The following OLFML2A variants were observed in gnomAD, a reference collection of about 807,000 sequenced individuals.
OLFML2A encodes the protein olfactomedin-like protein 2A.
In OLFML2A, 47 loss-of-function variants were observed where a neutral mutation model predicts 60.9. That is an observed-to-expected ratio of 0.77 (90% CI 0.61 to 0.98). The LOEUF (loss-of-function observed/expected upper bound fraction) is 0.98. Among genes scored for constraint, OLFML2A ranks in the 50% least tolerant of loss-of-function variants. The pLI, the probability that OLFML2A is intolerant of heterozygous loss-of-function variation, is 0.00. For missense variants in OLFML2A, 922 were observed against 879.8 expected (o/e 1.05, Z -0.61); for synonymous variants, 372 against 375.0 (o/e 0.99, Z 0.09).
chr9:124,784,780 A>C (rs1841426069), intron 1 of OLFML2A, among the ~76,000 whole-genome samples: 1 of 151,884 alleles, frequency 6.6e-6, no homozygotes, highest in African/African-American at 2.4e-5. Context: ...GAAGCCACTA[A>C]TCTGTTTGCT....
At position 124,801,622 on chromosome 9, in the gene OLFML2A, A is replaced by G. The variant is rs767054195; in HGVS notation, c.878A>G (p.Tyr293Cys). 1 of 1,613,754 alleles carries G rather than the reference A, an allele frequency of 6.2e-7. No individual in the cohort carries two copies. Among genetic ancestry groups the G allele is most frequent in the East Asian group, 2.2e-5 (1 of 44,862 alleles). The part of the protein sequence containing the change: ...QQQAVIRGFT[Y>C]YKAGKQEVTE... ...CAGGCTGTGATCCGGGGCTTCACCT[A>G]CTACAAGGCAGGCAAGCAGGAGGTG... is the stretch of plus-strand genomic sequence containing the variant. Residue 293 changes from tyrosine (Y) to cysteine (C), a missense_variant, in exon 5 of 8, where the codon TAC becomes TGC. By Grantham distance (194) the Tyr-to-Cys change is radical. Transcript: ENST00000373580.
Position 124,811,976 on chromosome 9 carries a change from C to T in OLFML2A, c.*1564C>T, listed in dbSNP as rs953475585. 2.0e-5 allele frequency: 3 copies of T among 152,324 alleles called. No individual in the cohort carries two copies. The highest frequency in any genetic ancestry group is 7.2e-5 in the African/African-American group (3 of 41,430). The allele number at this position is 152,324 out of a possible 1,614,324, so 9.4% of individuals were successfully genotyped here. ...TTTATTCTCCGCACATGGAGGCTGCCCTACCTGGGAAGGCACCCCAGCACC... is the reference window on the plus strand; with the variant it reads ...TTTATTCTCCGCACATGGAGGCTGCTCTACCTGGGAAGGCACCCCAGCACC... On this transcript the variant is annotated 3_prime_UTR_variant, in exon 8 of 8. Transcript: ENST00000373580.
chr9:124,807,839 C>T lies in OLFML2A; in HGVS notation c.1227C>T (p.His409=), dbSNP rs755581547. The change falls in exon 7 of 8, where the codon CAC becomes CAT. Residue 409 remains histidine, a synonymous_variant. Coordinates refer to ENST00000373580, the MANE Select transcript of OLFML2A (RefSeq NM_182487.4). ...CTGTGGACCCCCCTGTGAGGCACCA[C>T]AGCTATGGGCGCCACGAGGGAGCCT... ...LRAVDPPVRH[H]SYGRHEGAWM... is the part of the protein sequence containing the mutation. The T allele has an allele frequency of 6.2e-7, 1 of 1,614,072 alleles. No individual in the cohort carries two copies. The highest frequency in any genetic ancestry group is 1.7e-5 in the Admixed American group (1 of 60,020).
chr9:124,782,444 G>A (rs189263758), intron 1 of OLFML2A, among the ~76,000 whole-genome samples: 8 of 152,342 alleles, frequency 5.3e-5, no homozygotes, highest in Admixed American at 3.9e-4. Flanking sequence ...GCCATGCCGA[G>A]GCCCTGCATG....
intron 1 of OLFML2A, among the ~76,000 whole-genome samples, chr9:124,784,441 A>G (rs1841420254): frequency 6.6e-6 from 1 of 151,882 alleles, no homozygotes; most frequent in Admixed American, 6.6e-5. Context: ...TGACCTCATG[A>G]TCCACCCGCC....
rs369753026 is a variant in OLFML2A at position 124,803,556 on chromosome 9, C to T, written c.920-538C>T. 1.1e-4 allele frequency among the ~76,000 whole-genome samples: 17 copies of T among 152,350 alleles called. No individual in the cohort carries two copies. In the East Asian group the frequency reaches 3.1e-3, roughly 28 times the overall value. On this transcript the variant is annotated intron_variant, in intron 5 of 7. Transcript: ENST00000373580. ...CTGGGATTACAGGCACCAGCCACTGCGCCCAACCCTCTAAGCACTTTCGTT... is the reference window on the plus strand; with the variant it reads ...CTGGGATTACAGGCACCAGCCACTGTGCCCAACCCTCTAAGCACTTTCGTT...
chr9:124,800,466 A>G (rs1410201860), intron 4 of OLFML2A, among the ~76,000 whole-genome samples: 1 of 152,264 alleles, frequency 6.6e-6, no homozygotes, highest in African/African-American at 2.4e-5. Context: ...GAGAGGTCAC[A>G]TGGAGAGGCG....
intron 3 of OLFML2A, among the ~76,000 whole-genome samples, chr9:124,796,685 G>A (rs549952276): frequency 6.6e-6 from 1 of 152,304 alleles, no homozygotes; most frequent in South Asian, 2.1e-4. Context: ...CCTCCCGGGG[G>A]ATAAGCAGCA....
intron 1 of OLFML2A, among the ~76,000 whole-genome samples, chr9:124,783,872 T>C (rs1384352063): frequency 6.6e-6 from 1 of 152,034 alleles, no homozygotes; most frequent in African/African-American, 2.4e-5. Flanking sequence ...ATAGGTGCAG[T>C]AAAGAAAACC....
chr9:124,808,349 G>A (rs1174612919), intron 7 of OLFML2A, among the ~76,000 whole-genome samples: 1 of 152,222 alleles, frequency 6.6e-6, no homozygotes, highest in Non-Finnish European at 1.5e-5. Flanking sequence ...CAGGAGGTGG[G>A]GTTATCACCT....
chr9:124,787,571 A>ATTTTATTTTATTTTATTTT (rs1375013953), intron 2 of OLFML2A, among the ~76,000 whole-genome samples: 1 of 44,186 alleles, frequency 2.3e-5, no homozygotes, highest in East Asian at 7.5e-4. Flanking sequence ...TATTTTATTT[A>ATTTTATTTTATTTTATTTT]TTTCTTGAAA....
chr9:124,799,185 G>A (rs1841722720), intron 3 of OLFML2A, 100 bp from the exon 4 acceptor site: 2 of 835,234 alleles, frequency 2.4e-6, no homozygotes, highest in South Asian at 3.1e-5. Context: ...TCGGGGGACT[G>A]GGCAGCAAAG....
intron 1 of OLFML2A, among the ~76,000 whole-genome samples, chr9:124,783,351 A>G (rs1045961946): frequency 6.6e-6 from 1 of 152,196 alleles, no homozygotes; most frequent in Non-Finnish European, 1.5e-5. Context: ...ACATGCCTGT[A>G]GTCCCAGTTA....
chr9:124,795,060 T>C lies in OLFML2A; in HGVS notation c.391T>C (p.Tyr131His), dbSNP rs764743729. Residue 131 changes from tyrosine to histidine, a missense_variant, in exon 3 of 8, where the codon TAC (tyrosine) becomes CAC (histidine). Physicochemically the swap from Tyr to His is moderately conservative, Grantham distance 83. Coordinates refer to ENST00000373580, the MANE Select transcript of OLFML2A (RefSeq NM_182487.4). ...GGTGGATCTCCTGGAGGGCACCCTGTACAGCATGGACTTGATGAAGGTGCA... is the reference window on the plus strand; with the variant it reads ...GGTGGATCTCCTGGAGGGCACCCTGCACAGCATGGACTTGATGAAGGTGCA... Reference protein sequence around the residue: ...SMVDLLEGTLYSMDLMKVHAY... With the variant: ...SMVDLLEGTLHSMDLMKVHAY... 6.2e-7 allele frequency: 1 copy of C among 1,608,804 alleles called. No homozygotes were observed. Among genetic ancestry groups the C allele is most frequent in the South Asian group, 1.1e-5 (1 of 89,856 alleles).
intron 4 of OLFML2A, 122 bp downstream of exon 4, chr9:124,799,613 C>G: frequency 1.3e-6 from 1 of 775,812 alleles, no homozygotes. Flanking sequence ...GGGTTGAGGA[C>G]TGGCACAGCC....
chr9:124,809,833 A>G lies in OLFML2A; in HGVS notation c.1380A>G (p.Leu460=), dbSNP rs1841967202. Residue 460 remains leucine, a synonymous_variant, in exon 8 of 8, where the codon CTA becomes CTG. Coordinates refer to ENST00000373580, the MANE Select transcript of OLFML2A (RefSeq NM_182487.4). ...KQGRWSNMYK[L]PYNWIGTGHV... ...GCCGCTGGAGTAACATGTACAAGCT[A>G]CCCTACAACTGGATCGGCACAGGCC... 1 of 1,611,986 alleles carries G rather than the reference A, an allele frequency of 6.2e-7. No homozygotes were observed. The highest frequency in any genetic ancestry group is 8.5e-7 in the Non-Finnish European group (1 of 1,178,724).
At position 124,810,438 on chromosome 9, in the gene OLFML2A, G is replaced by A. The variant is rs755118612; in HGVS notation, c.*26G>A. 6.4e-7 allele frequency: 1 copy of A among 1,569,886 alleles called. No homozygotes were observed. The highest frequency in any genetic ancestry group is 2.3e-5 in the East Asian group (1 of 44,378). ...GTGGAGACCTGTGCTCCCCGGAGAG[G>A]GGCAGCAGTGCGGGAGGGGCTTTGC... is the stretch of plus-strand genomic sequence containing the variant. On this transcript the variant is annotated 3_prime_UTR_variant, in exon 8 of 8. Coordinates refer to ENST00000373580, the MANE Select transcript of OLFML2A (RefSeq NM_182487.4).
At position 124,787,064 on chromosome 9, in the gene OLFML2A, G is replaced by C; in HGVS notation, c.180G>C (p.Ala60=). 2 of 1,614,024 alleles carry C rather than the reference G, an allele frequency of 1.2e-6. No homozygotes were observed. The highest frequency in any genetic ancestry group is 1.1e-5 in the South Asian group (1 of 91,086). The change falls in exon 2 of 8, where the codon GCG becomes GCC. Residue 60 remains alanine, a synonymous_variant. Coordinates refer to ENST00000373580, the MANE Select transcript of OLFML2A (RefSeq NM_182487.4). The part of the protein sequence containing the change: ...KCIMRPLSKD[A]CSRVRSGRAR... The stretch of plus-strand genomic sequence containing the variant: ...TCATGCGGCCCCTGAGCAAGGACGC[G>C]TGTAGCCGAGTGCGCAGTGGGCGGG...
At chr9:124,786,291 C>G (rs530790932) in intron 1 of OLFML2A, among the ~76,000 whole-genome samples, 7 of 152,070 alleles carry the variant, frequency 4.6e-5, no homozygotes, top group Non-Finnish European at 7.4e-5. Context: ...GGCATGGTGG[C>G]GCATGCCTGT....
Sources: allele counts gnomAD v4.1 joint callset (sites outside exome capture counted in the v4.1 genomes callset), GRCh38; gene constraint gnomAD v4.1.1; transcripts MANE v1.5; gene names NCBI Gene and HGNC (gene_info 2026-07-23, HGNC 2026-07-21).